The following JAML variants were observed in gnomAD, a reference collection of about 807,000 sequenced individuals.
JAML encodes junctional adhesion molecule-like.
Under a neutral mutation model 39.3 loss-of-function variants are expected in JAML, and 25 were observed. That is an observed-to-expected ratio of 0.64 (90% CI 0.46 to 0.89). The LOEUF (loss-of-function observed/expected upper bound fraction) is 0.89, where lower values mean the gene tolerates loss of function less well. Ranked by LOEUF, JAML falls within the 40% of genes least tolerant of loss-of-function variation. The pLI is 0.00. For missense variants in JAML, 440 were observed against 486.9 expected (o/e 0.90, Z 0.91); for synonymous variants, 162 against 179.2 (o/e 0.90, Z 0.77).
rs1269576184 is a variant in JAML at position 118,205,769 on chromosome 11, T to G, written c.534+113A>C. 3.2e-6 allele frequency: 3 copies of G among 933,354 alleles called. No individual in the cohort carries two copies. The African/African-American group carries it at 4.9e-5, about 15-fold the overall frequency. The allele number at this position is 933,354 out of a possible 1,614,324, so 57.8% of individuals were successfully genotyped here. On this transcript the variant is annotated intron_variant, in intron 5 of 9. Transcript: ENST00000356289. ...TTGCTAGGAGAAGGTCCAGTTCTGA[T>G]AAGCACCAAAGCCCAGGCTCTTGCA...
At chr11:118,196,969 G>T in intron 8 of JAML, 148 bp from the exon 9 acceptor site, 2 of 616,326 alleles carry the variant, frequency 3.2e-6, no homozygotes, top group Non-Finnish European at 5.8e-6. Flanking sequence ...TCTCAACAAT[G>T]ATAATTCAGT....
At chr11:118,212,896 G>T (rs576823926) in intron 2 of JAML, 1 of 1,614,172 alleles carries the variant, frequency 6.2e-7, no homozygotes, top group African/African-American at 1.3e-5. Context: ...CATCAATTTA[G>T]AAACTCACCT....
intron 2 of JAML, chr11:118,212,792 C>G (rs1315696282): frequency 5.0e-6 from 8 of 1,603,964 alleles, no homozygotes; most frequent in Non-Finnish European, 6.0e-6. Flanking sequence ...ATCTGGCTCC[C>G]TCCTCCTATC....
chr11:118,216,097 C>T (rs2134674879), intron 1 of JAML, among the ~76,000 whole-genome samples: 1 of 152,318 alleles, frequency 6.6e-6, no homozygotes, highest in Admixed American at 6.5e-5. Context: ...CTTGGCCGGG[C>T]CTGGTGGCTC....
intron 5 of JAML, chr11:118,204,733 A>T (rs1202172757): frequency 6.6e-6 from 1 of 152,130 alleles, no homozygotes; most frequent in Non-Finnish European, 1.5e-5. Context: ...TGTATTATAT[A>T]CGTCTTTATT....
intron 4 of JAML, 68 bp downstream of exon 4, chr11:118,210,419 A>C (rs545273582): frequency 2.0e-6 from 3 of 1,486,352 alleles, no homozygotes; most frequent in African/African-American, 1.4e-5. Context: ...CAAGATAATC[A>C]GTTTCCTTGC....
At chr11:118,218,993 C>T (rs1291548368) in intron 1 of JAML, among the ~76,000 whole-genome samples, 1 of 152,204 alleles carries the variant, frequency 6.6e-6, no homozygotes, top group Non-Finnish European at 1.5e-5. Context: ...TTGACCTGAG[C>T]TCATGGTTCT....
intron 1 of JAML, among the ~76,000 whole-genome samples, chr11:118,215,269 T>C (rs569073168): frequency 5.3e-5 from 8 of 152,152 alleles, no homozygotes; most frequent in Non-Finnish European, 1.2e-4. Flanking sequence ...AACCCTAGAT[T>C]TTCCACTACC....
intron 9 of JAML, 51 bp from the exon 10 acceptor site, chr11:118,194,468 C>T (rs1864167753): frequency 1.4e-6 from 2 of 1,463,922 alleles, no homozygotes; most frequent in Non-Finnish European, 1.9e-6. Flanking sequence ...GAAGTAGTTC[C>T]ATAATCATAG....
chr11:118,224,124 A>G (rs1949236747), intron 1 of JAML: 1 of 152,220 alleles, frequency 6.6e-6, no homozygotes, highest in Non-Finnish European at 1.5e-5. Context: ...GCGTCTTAAA[A>G]TATGCCCTCA....
At chr11:118,214,297 A>T (rs951806580) in intron 2 of JAML, among the ~76,000 whole-genome samples, 2 of 152,174 alleles carry the variant, frequency 1.3e-5, no homozygotes, top group East Asian at 3.9e-4. Context: ...GAAGTGGAGC[A>T]TAAGGGGAAA....
intron 1 of JAML, among the ~76,000 whole-genome samples, chr11:118,223,274 G>A (rs1312874312): frequency 6.6e-6 from 1 of 152,088 alleles, no homozygotes; most frequent in African/African-American, 2.4e-5. Context: ...GCACACTGAT[G>A]TAGGGCCAGA....
In JAML at chr11:118,194,266, A is replaced by G; in HGVS notation, c.*59T>C. On this transcript the variant is annotated 3_prime_UTR_variant, in exon 10 of 10. Transcript: ENST00000356289. ...TCTGAAATCACTGGTAGAGTGGCCC[A>G]GGACACACACAGGAGAGAGTCTCCA... The G allele has an allele frequency of 1.4e-6, 2 of 1,449,048 alleles. No individual in the cohort carries two copies. Among genetic ancestry groups the G allele is most frequent in the Non-Finnish European group, 1.9e-6 (2 of 1,030,560 alleles). 89.8% of individuals were successfully genotyped at this position (1,449,048 alleles called of 1,614,324 possible).
intron 1 of JAML, among the ~76,000 whole-genome samples, chr11:118,217,769 AAT>A (rs1301199854): frequency 6.6e-6 from 1 of 152,210 alleles, no homozygotes; most frequent in Non-Finnish European, 1.5e-5. Flanking sequence ...AGAGAATGAC[AAT>A]GTGACTTGCC....
At chr11:118,212,269 G>C in intron 3 of JAML, 138 bp downstream of exon 3, 1 of 1,050,808 alleles carries the variant, frequency 9.5e-7, no homozygotes. Context: ...CTAGGACGAG[G>C]CCCAGTTCTG....
chr11:118,205,944 G>A lies in JAML; in HGVS notation c.472C>T (p.Gln158Ter), dbSNP rs749999575. 1 of 1,614,108 alleles carries A rather than the reference G, an allele frequency of 6.2e-7. No individual in the cohort carries two copies. Among genetic ancestry groups the A allele is most frequent in the East Asian group, 2.2e-5 (1 of 44,882 alleles). Reference sequence around the variant, plus strand: ...GTCACGTGTTTCACTTCTGTGCTCTGGAAAACACATCCCATCTGAATCAAT... The same window carrying A: ...GTCACGTGTTTCACTTCTGTGCTCTAGAAAACACATCCCATCTGAATCAAT... ...GGLIQMGCVF[Q>*]STEVKHVTKV... Residue 158 changes from glutamine (Q) to a stop codon, truncating the protein, a stop_gained, in exon 5 of 10, where the codon CAG becomes TAG. Transcript: ENST00000356289. LOFTEE classifies it high-confidence loss of function.
At chr11:118,201,003 T>A (rs1948782824) in intron 6 of JAML, 1 of 176,648 alleles carries the variant, frequency 5.7e-6, no homozygotes, top group African/African-American at 2.4e-5. Context: ...AGCCCCACAG[T>A]GACGATACCA....
chr11:118,223,094 CAAAAAAAAAAA>C (rs56175225), intron 1 of JAML, among the ~76,000 whole-genome samples: 1 of 93,196 alleles, frequency 1.1e-5, no homozygotes, highest in Non-Finnish European at 2.1e-5. Context: ...GACTCTGTCT[CAAAAAAAAAAA>C]AAAAAAAAAA....
At chr11:118,195,012 C>T (rs1163654299) in intron 9 of JAML, among the ~76,000 whole-genome samples, 2 of 152,180 alleles carry the variant, frequency 1.3e-5, no homozygotes, top group African/African-American at 4.8e-5. Context: ...GTGTTTTCAA[C>T]AGAATCAAAA....
Sources: allele counts gnomAD v4.1 joint callset (sites outside exome capture counted in the v4.1 genomes callset), GRCh38; gene constraint gnomAD v4.1.1; transcripts MANE v1.5; gene names NCBI Gene and HGNC (gene_info 2026-07-23, HGNC 2026-07-21).